IL4: variants seen among roughly 807,000 people sequenced by gnomAD.
The protein encoded by IL4 is interleukin 4, also known as interleukin-4.
Under a neutral mutation model 17.4 loss-of-function variants are expected in IL4, and 10 were observed. The observed-to-expected ratio is 0.57, with a 90% CI of 0.35 to 0.97. The LOEUF is 0.97. Among genes scored for constraint, IL4 ranks in the 50% least tolerant of loss-of-function variants. The pLI, the probability that IL4 is intolerant of heterozygous loss-of-function variation, is 0.01. For synonymous variants in IL4, 87 were observed against 79.0 expected (o/e 1.10, Z -0.54); for missense variants, 174 against 187.7 (o/e 0.93, Z 0.43).
intron 2 of IL4, 78 bp downstream of exon 2, chr5:132,674,584 T>C (rs557797742): frequency 4.4e-5 from 55 of 1,242,174 alleles, no homozygotes; most frequent in East Asian, 1.6e-4. Context: ...ACTTGTCTAA[T>C]GGAAAACGAG....
intron 3 of IL4, among the ~76,000 whole-genome samples, chr5:132,682,237 C>G (rs2243309): frequency 2.5e-4 from 38 of 152,222 alleles, no homozygotes; most frequent in African/African-American, 5.8e-4. Flanking sequence ...CACTCCCCCC[C>G]GCGCCACCCA....
At chr5:132,681,687 A>G (rs563823008) in intron 3 of IL4, among the ~76,000 whole-genome samples, 3 of 152,150 alleles carry the variant, frequency 2.0e-5, no homozygotes, top group East Asian at 3.8e-4. Context: ...AGGAAGAATC[A>G]TTAGGGGGCA....
At chr5:132,681,972 T>G (rs1752496898) in intron 3 of IL4, among the ~76,000 whole-genome samples, 1 of 152,180 alleles carries the variant, frequency 6.6e-6, no homozygotes, top group Non-Finnish European at 1.5e-5. Context: ...GCAATACAAT[T>G]AATAAATGGT....
In IL4 at chr5:132,679,801, G is replaced by A; in HGVS notation, c.271G>A (p.Gly91Ser). The change falls in exon 3 of 4, where the codon GGT (glycine) becomes AGT (serine). Residue 91 changes from glycine to serine, a missense_variant. Gly to Ser is a moderately conservative substitution (Grantham distance 56, BLOSUM62 0). Transcript: ENST00000231449. The part of the protein sequence containing the change: ...SHHEKDTRCL[G>S]ATAQQFHRHK... ...CCATGAGAAGGACACTCGCTGCCTG[G>A]GTGCGACTGCACAGCAGTTCCACAG... is the stretch of plus-strand genomic sequence containing the variant. 1 of 1,614,022 alleles carries A rather than the reference G, an allele frequency of 6.2e-7. No individual in the cohort carries two copies. Among genetic ancestry groups the A allele is most frequent in the Non-Finnish European group, 8.5e-7 (1 of 1,179,964 alleles).
intron 2 of IL4, among the ~76,000 whole-genome samples, chr5:132,675,929 A>ATGTGTG (rs2234664): frequency 0.024 from 3,431 of 141,004 alleles, 64 homozygotes; most frequent in South Asian, 0.031. Flanking sequence ...GTGTATGTAT[A>ATGTGTG]TGTGTGTGTG....
At chr5:132,677,229 G>C (rs185236541) in intron 2 of IL4, among the ~76,000 whole-genome samples, 1 of 152,200 alleles carries the variant, frequency 6.6e-6, no homozygotes, top group African/African-American at 2.4e-5. Context: ...GTCAAGAACC[G>C]AGTTAGAACT....
rs143492906 is a variant in IL4 at position 132,677,167 on chromosome 5, T to C, written c.184-2547T>C. The stretch of plus-strand genomic sequence containing the variant: ...TGACTATCCTGGGCAGGATGGGAGA[T>C]AATGAATGCAGTGCCAATCGGGCTG... On this transcript the variant is annotated intron_variant, in intron 2 of 3. Coordinates refer to ENST00000231449, the MANE Select transcript of IL4 (RefSeq NM_000589.4). Among the ~76,000 whole-genome samples the C allele has an allele frequency of 4.4e-3, 669 of 152,148 alleles. 7 individuals carry two copies. Among genetic ancestry groups the C allele is most frequent in the African/African-American group, 0.015 (622 of 41,394 alleles).
At chr5:132,676,884 G>A in intron 2 of IL4, among the ~76,000 whole-genome samples, 1 of 152,180 alleles carries the variant, frequency 6.6e-6, no homozygotes, top group East Asian at 1.9e-4. Flanking sequence ...GCAGTTGCTG[G>A]AAAGAAGGCA....
chr5:132,682,597 T>C lies in IL4; in HGVS notation c.*10T>C, dbSNP rs1199597317. 1.4e-6 allele frequency: 2 copies of C among 1,411,494 alleles called. No homozygotes were observed. Among genetic ancestry groups the C allele is most frequent in the Admixed American group, 3.6e-5 (2 of 55,588 alleles). The allele number at this position is 1,411,494 out of a possible 1,614,324, so 87.4% of individuals were successfully genotyped here. On this transcript the variant is annotated 3_prime_UTR_variant, in exon 4 of 4. Coordinates refer to ENST00000231449, the MANE Select transcript of IL4 (RefSeq NM_000589.4). ...AAAGTGTTCGAGCTGAATATTTTAA[T>C]TTATGAGTTTTTGATAGCTTTATTT...
chr5:132,677,752 T>G (rs1439194022), intron 2 of IL4: 1 of 152,114 alleles, frequency 6.6e-6, no homozygotes, highest in African/African-American at 2.4e-5. Flanking sequence ...ACTTTTTGGT[T>G]TTCTTGAATC....
intron 3 of IL4, among the ~76,000 whole-genome samples, chr5:132,681,156 G>C (rs1448582234): frequency 6.6e-6 from 1 of 152,208 alleles, no homozygotes; most frequent in Non-Finnish European, 1.5e-5. Flanking sequence ...CTGAAAATCT[G>C]AATGACAGAA....
chr5:132,675,162 C>G (rs1384078420), intron 2 of IL4, among the ~76,000 whole-genome samples: 1 of 152,230 alleles, frequency 6.6e-6, no homozygotes, highest in Non-Finnish European at 1.5e-5. Context: ...CTGCCTCACC[C>G]CCACCCCTCT....
rs1048089111 is a variant in IL4 at position 132,680,864 on chromosome 5, G to A, written c.360+974G>A. ...ACCAGAAGGATTTGCTGACAGATCG[G>A]TTGTAGGGGGTAAGATACAGGGGAG... On this transcript the variant is annotated intron_variant, in intron 3 of 3. Transcript: ENST00000231449. This position sits in a 1 kb window ranked among gnomAD's most constrained non-coding sequence, Gnocchi z 4.3. 3.3e-5 allele frequency among the ~76,000 whole-genome samples: 5 copies of A among 152,224 alleles called. No homozygotes were observed. Among genetic ancestry groups the A allele is most frequent in the Non-Finnish European group, 5.9e-5 (4 of 68,040 alleles).
At chr5:132,675,048 C>T (rs1168228069) in intron 2 of IL4, among the ~76,000 whole-genome samples, 1 of 152,126 alleles carries the variant, frequency 6.6e-6, no homozygotes. Flanking sequence ...TTGCTCTGGC[C>T]GGCCGAACTC....
intron 2 of IL4, among the ~76,000 whole-genome samples, chr5:132,678,674 T>C (rs527354878): frequency 4.4e-4 from 67 of 152,300 alleles, no homozygotes; most frequent in African/African-American, 1.4e-3. Context: ...TGCTGGTCCA[T>C]GGACCACACT....
chr5:132,674,616 G>T, intron 2 of IL4, 110 bp downstream of exon 2: 2 of 811,270 alleles, frequency 2.5e-6, no homozygotes, highest in East Asian at 2.5e-5. Context: ...TAACTCTAAG[G>T]TGTTAGATGT....
rs1011829524 is a variant in IL4, at chr5:132,680,086, G to A, written c.360+196G>A. ...GCTGAGGACGTGTCACTAAAGACAC[G>A]CAGGCCGAGTCCCTGTTCTCATGGA... On this transcript the variant is annotated intron_variant, in intron 3 of 3. Transcript: ENST00000231449. The surrounding 1 kb of genome is among the most constrained non-coding windows in gnomAD (Gnocchi z 4.3). 6.6e-6 allele frequency among the ~76,000 whole-genome samples: 1 copy of A among 151,306 alleles called. No individual in the cohort carries two copies. Among genetic ancestry groups the A allele is most frequent in the Non-Finnish European group, 1.5e-5 (1 of 68,032 alleles).
chr5:132,677,442 AC>A (rs1752401310), intron 2 of IL4, among the ~76,000 whole-genome samples: 1 of 152,240 alleles, frequency 6.6e-6, no homozygotes. Context: ...GTCCAGGGCC[AC>A]GGCAGGGATG....
At chr5:132,678,567 A>C (rs1581044694) in intron 2 of IL4, among the ~76,000 whole-genome samples, 1 of 152,242 alleles carries the variant, frequency 6.6e-6, no homozygotes, top group East Asian at 1.9e-4. Flanking sequence ...GAAACCCCTG[A>C]GCATCTTGTC....
Sources: allele counts gnomAD v4.1 joint callset (sites outside exome capture counted in the v4.1 genomes callset), GRCh38; gene constraint gnomAD v4.1.1; non-coding constraint Gnocchi (gnomAD v3.1); transcripts MANE v1.5; gene names NCBI Gene and HGNC (gene_info 2026-07-23, HGNC 2026-07-21).